The following FBN1 variants were observed in gnomAD, a reference collection of about 807,000 sequenced individuals.
FBN1 encodes the protein fibrillin 1, also known as fibrillin-1.
FBN1 carries 29 observed loss-of-function variants against 365.1 expected under a neutral mutation model. The observed-to-expected ratio is 0.08, with a 90% CI of 0.06 to 0.11. FBN1 has a LOEUF of 0.11. FBN1 is among the 10% of genes least tolerant of loss of function. The pLI is 1.00. For synonymous variants in FBN1, 1,210 were observed against 1,270.5 expected (o/e 0.95, Z 1.01); for missense variants, 2,476 against 3,703.2 (o/e 0.67, Z 8.60).
At chr15:48,603,763 G>C (rs2044585081) in intron 4 of FBN1, among the ~76,000 whole-genome samples, 1 of 152,152 alleles carries the variant, frequency 6.6e-6, no homozygotes, top group Non-Finnish European at 1.5e-5. Flanking sequence ...GATTTTACTA[G>C]AAATTGAAAA....
At chr15:48,602,296 C>A (rs1216202038) in intron 4 of FBN1, among the ~76,000 whole-genome samples, 1 of 152,168 alleles carries the variant, frequency 6.6e-6, no homozygotes, top group African/African-American at 2.4e-5. Context: ...TCTTTTGAAG[C>A]ATATATTATA....
intron 4 of FBN1, among the ~76,000 whole-genome samples, chr15:48,604,484 G>C (rs188149096): frequency 1.3e-5 from 2 of 152,332 alleles, no homozygotes; most frequent in Admixed American, 6.5e-5. Flanking sequence ...TAAGTGAACA[G>C]ATGTCTGGGG....
rs963564435 is a variant in FBN1 at position 48,510,133 on chromosome 15, T to C, written c.1625A>G (p.Asn542Ser). Residue 542 changes from asparagine (N) to serine (S), a missense_variant, in exon 14 of 66, where the codon AAT (asparagine) becomes AGT (serine). Coordinates refer to ENST00000316623, the MANE Select transcript of FBN1 (RefSeq NM_000138.5). Reference protein sequence around the residue: ...DECLQNGRICNNGRCINTDGS... With the variant: ...DECLQNGRICSNGRCINTDGS... ...ATCTGTGTTGATGCAGCGTCCATTA[T>C]TGCAGATCCGGCCATTCTGTAAACA... 7 of 1,613,514 alleles carry C rather than the reference T, an allele frequency of 4.3e-6. No individual in the cohort carries two copies. Among genetic ancestry groups the C allele is most frequent in the Admixed American group, 1.7e-5 (1 of 59,968 alleles).
At chr15:48,598,479 T>G (rs1202785366) in intron 5 of FBN1, among the ~76,000 whole-genome samples, 1 of 152,150 alleles carries the variant, frequency 6.6e-6, no homozygotes, top group East Asian at 1.9e-4. Flanking sequence ...AAACATAGTA[T>G]GTATAAAGGC....
intron 2 of FBN1, among the ~76,000 whole-genome samples, chr15:48,627,608 G>A (rs1371003656): frequency 5.3e-5 from 8 of 152,036 alleles, no homozygotes; most frequent in African/African-American, 9.7e-5. Flanking sequence ...TGAGCTGCTC[G>A]AAGGCCTGGG....
chr15:48,472,080 A>C (rs1472226622), intron 35 of FBN1, among the ~76,000 whole-genome samples: 1 of 152,262 alleles, frequency 6.6e-6, no homozygotes, highest in African/African-American at 2.4e-5. Context: ...CGTATGGACA[A>C]GACTATTTGC....
At chr15:48,613,149 G>T in intron 2 of FBN1, 57 bp from the exon 3 acceptor site, 1 of 1,373,706 alleles carries the variant, frequency 7.3e-7, no homozygotes, top group Non-Finnish European at 1.0e-6. Context: ...AGGAAGAGAT[G>T]GCCAAATAAA....
In FBN1 at chr15:48,468,413, A is replaced by G. The variant is rs2043340510; in HGVS notation, c.4581T>C (p.Val1527=). ...TCTGAAAAGTTTTTAAGGTCTTACC[A>G]ACACAGCCAACTCGAGTTGGGTTCA... ...FELNPTRVGC[V]DTRSGNCYLD... is the part of the protein sequence containing the mutation. Residue 1527 remains valine, a splice_region_variant and synonymous_variant, in exon 37 of 66, where the codon GTT becomes GTC. Transcript: ENST00000316623. The G allele has an allele frequency of 6.2e-7, 1 of 1,614,048 alleles. No individual in the cohort carries two copies. The highest frequency in any genetic ancestry group is 1.7e-5 in the Admixed American group (1 of 60,008).
intron 6 of FBN1, among the ~76,000 whole-genome samples, chr15:48,554,481 A>G (rs2044164956): frequency 6.6e-6 from 1 of 152,190 alleles, no homozygotes; most frequent in Admixed American, 6.5e-5. Context: ...TTCACTGTAA[A>G]CCATGGTAAC....
At chr15:48,484,128 A>C (rs2043487037) in intron 30 of FBN1, among the ~76,000 whole-genome samples, 185 bp from the exon 31 acceptor site, 2 of 152,166 alleles carry the variant, frequency 1.3e-5, no homozygotes, top group African/African-American at 4.8e-5. Flanking sequence ...AGGAAAAAAT[A>C]TTTTTCAATA....
At chr15:48,479,206 A>T (rs910545708) in intron 32 of FBN1, among the ~76,000 whole-genome samples, 1 of 152,220 alleles carries the variant, frequency 6.6e-6, no homozygotes, top group African/African-American at 2.4e-5. Context: ...CAGCTAAAAG[A>T]GCCTTAGTGA....
chr15:48,568,013 G>GA (rs1183028602), intron 6 of FBN1, among the ~76,000 whole-genome samples: 2 of 93,444 alleles, frequency 2.1e-5, no homozygotes, highest in African/African-American at 1.1e-4. Context: ...AAGAAAGAAA[G>GA]AAAGAAAGAA....
At chr15:48,633,845 C>T (rs564176262) in intron 2 of FBN1, among the ~76,000 whole-genome samples, 2 of 152,188 alleles carry the variant, frequency 1.3e-5, no homozygotes, top group African/African-American at 4.8e-5. Flanking sequence ...AACAACGCGC[C>T]TCTTAGGTCA....
chr15:48,450,615 C>A (rs551318483), intron 45 of FBN1, among the ~76,000 whole-genome samples: 1 of 152,256 alleles, frequency 6.6e-6, no homozygotes, highest in African/African-American at 2.4e-5. Context: ...TTTTGTGGGG[C>A]AAGACATTTC....
At chr15:48,425,518 T>C (rs1209251116) in intron 59 of FBN1, 27 bp from the exon 60 acceptor site, 3 of 1,613,662 alleles carry the variant, frequency 1.9e-6, no homozygotes, top group Non-Finnish European at 2.5e-6. Flanking sequence ...ACAGCGTGAC[T>C]GTGCATCTAA....
At chr15:48,484,105 T>C (rs989176223) in intron 30 of FBN1, among the ~76,000 whole-genome samples, 162 bp from the exon 31 acceptor site, 15 of 152,214 alleles carry the variant, frequency 9.9e-5, no homozygotes, top group African/African-American at 3.6e-4. Context: ...CATTGGGTTA[T>C]CCTTGGTAAA....
At chr15:48,607,315 C>T (rs1195307088) in intron 4 of FBN1, among the ~76,000 whole-genome samples, 1 of 148,654 alleles carries the variant, frequency 6.7e-6, no homozygotes, top group Admixed American at 6.7e-5. Context: ...TATCATGTAT[C>T]ATATATAATT....
chr15:48,542,780 G>GGTGTGTGT (rs1566923362), intron 6 of FBN1, among the ~76,000 whole-genome samples: 2 of 79,168 alleles, frequency 2.5e-5, no homozygotes, highest in Non-Finnish European at 4.6e-5. Flanking sequence ...AGGACTCTAA[G>GGTGTGTGT]ATGTGTGTGT....
At chr15:48,431,927 T>C (rs555096326) in intron 55 of FBN1, among the ~76,000 whole-genome samples, 1 of 152,302 alleles carries the variant, frequency 6.6e-6, no homozygotes, top group East Asian at 1.9e-4. Context: ...AGTGCTGGGA[T>C]TACAGGCATA....
Sources: allele counts gnomAD v4.1 joint callset (sites outside exome capture counted in the v4.1 genomes callset), GRCh38; gene constraint gnomAD v4.1.1; transcripts MANE v1.5; gene names NCBI Gene and HGNC (gene_info 2026-07-23, HGNC 2026-07-21).